Variants in HIPK2 observed in about 807,000 individuals in gnomAD.
HIPK2 encodes the protein homeodomain interacting protein kinase 2.
In HIPK2, 27 loss-of-function variants were observed where a neutral mutation model predicts 113.7. The ratio of observed to expected loss-of-function variants is 0.24; its 90% CI spans 0.17 to 0.33. The LOEUF is 0.33. HIPK2 is among the 10% of genes least tolerant of loss of function. The probability of loss-of-function intolerance (pLI) is 1.00; values close to 1 mark genes in which losing one functional copy is unlikely to be tolerated. For missense variants in HIPK2, 1,257 were observed against 1,588.0 expected, an observed-to-expected ratio of 0.79 and a Z score of 3.54; for synonymous variants, 631 against 642.2, an observed-to-expected ratio of 0.98 and a Z score of 0.26.
intron 2 of HIPK2, among the ~76,000 whole-genome samples, chr7:139,711,783 T>G (rs980727964): frequency 1.3e-5 from 2 of 151,894 alleles, no homozygotes; most frequent in African/African-American, 2.4e-5. Flanking sequence ...CAAAATGAAC[T>G]GGCATCAATG....
chr7:139,769,895 CTTT>C (rs1796617839), intron 1 of HIPK2, among the ~76,000 whole-genome samples: 1 of 152,194 alleles, frequency 6.6e-6, no homozygotes, highest in Admixed American at 6.5e-5. Flanking sequence ...ACTGATGAAT[CTTT>C]TCCTGATGGT....
chr7:139,645,289 A>G (rs369645135), intron 2 of HIPK2, among the ~76,000 whole-genome samples: 43 of 152,330 alleles, frequency 2.8e-4, no homozygotes, highest in Middle Eastern at 3.4e-3. Context: ...GGGATAAAAG[A>G]CAGAAACTTG....
Position 139,631,303 on chromosome 7 carries a change from A to C in HIPK2, c.1228-19T>G. ...ACCGAATCTGCAAGAAAAGATAAGA[A>C]TGAGGTCAGGGCTTTTCCTGTCACT... On this transcript the variant is annotated intron_variant, in intron 3 of 14. Transcript: ENST00000406875. The surrounding 1 kb of genome is among the most constrained non-coding windows in gnomAD (Gnocchi z 4.9). 1 of 1,600,632 alleles carries C rather than the reference A, an allele frequency of 6.2e-7. No homozygotes were observed. The highest frequency in any genetic ancestry group is 8.5e-7 in the Non-Finnish European group (1 of 1,172,858).
intron 13 of HIPK2, among the ~76,000 whole-genome samples, chr7:139,582,957 C>T (rs531095669): frequency 3.0e-4 from 45 of 152,378 alleles, no homozygotes; most frequent in African/African-American, 1.1e-3. Flanking sequence ...TTTCCTGTAG[C>T]GACCTCAGGT....
chr7:139,746,458 TAA>T (rs1011994101), intron 1 of HIPK2, among the ~76,000 whole-genome samples: 1 of 152,220 alleles, frequency 6.6e-6, no homozygotes, highest in Admixed American at 6.5e-5. Flanking sequence ...GCAATGAGTT[TAA>T]GAGTGCTTGG....
intron 2 of HIPK2, among the ~76,000 whole-genome samples, chr7:139,654,262 A>C (rs771185676): frequency 4.6e-5 from 7 of 152,192 alleles, no homozygotes; most frequent in Non-Finnish European, 1.0e-4. Flanking sequence ...CTGTAATCCC[A>C]GCATTTTGGG....
In HIPK2 at chr7:139,706,565, C is replaced by T. The variant is rs190071493; in HGVS notation, c.1103+9367G>A. 5.1e-4 allele frequency among the ~76,000 whole-genome samples: 78 copies of T among 152,232 alleles called. 1 individual carries two copies. The highest frequency in any genetic ancestry group is 3.9e-3 in the Admixed American group (59 of 15,296). The stretch of plus-strand genomic sequence containing the variant: ...ATTTAATAAGCATTAAGGGAGAAAA[C>T]ATGGGACAGAGTAACTGAGCTCAAC... On this transcript the variant is annotated intron_variant, in intron 2 of 14. Transcript: ENST00000406875.
chr7:139,635,995 T>C (rs1400410139), intron 2 of HIPK2, among the ~76,000 whole-genome samples: 1 of 152,222 alleles, frequency 6.6e-6, no homozygotes, highest in Non-Finnish European at 1.5e-5. Context: ...TCTCCCCCTG[T>C]GGTTCCCACC....
intron 13 of HIPK2, among the ~76,000 whole-genome samples, chr7:139,582,936 A>G (rs765936358): frequency 4.6e-5 from 7 of 152,262 alleles, no homozygotes; most frequent in Non-Finnish European, 1.0e-4. Flanking sequence ...CCACCCAGGA[A>G]GAGTCCCCAG....
intron 2 of HIPK2, among the ~76,000 whole-genome samples, chr7:139,651,811 T>C (rs1021582391): frequency 2.6e-5 from 4 of 152,224 alleles, no homozygotes; most frequent in Non-Finnish European, 5.9e-5. Flanking sequence ...CACTTTACAT[T>C]ACACAGTGTG....
At chr7:139,623,596 G>C (rs560640085) in intron 6 of HIPK2, among the ~76,000 whole-genome samples, 3 of 150,496 alleles carry the variant, frequency 2.0e-5, no homozygotes, top group Non-Finnish European at 4.4e-5. Context: ...AGATTCCTTT[G>C]TACCGGAGTT....
rs776337956 is a variant in HIPK2, at chr7:139,613,286, C to G, written c.2028G>C (p.Ser676=). 1.2e-6 allele frequency: 2 copies of G among 1,613,338 alleles called. No individual in the cohort carries two copies. Among genetic ancestry groups the G allele is most frequent in the Middle Eastern group, 1.6e-4 (1 of 6,084 alleles). Residue 676 remains serine, a synonymous_variant, in exon 9 of 15, where the codon TCG becomes TCC. Transcript: ENST00000406875. This position sits in a 1 kb window ranked among gnomAD's most constrained non-coding sequence, Gnocchi z 4.2. Reference sequence around the variant, plus strand: ...TGGGAACTGCATTTTCCATTCGCACCGAGTAGCCAGCGTGCTTAGAGGGAG... The same window carrying G: ...TGGGAACTGCATTTTCCATTCGCACGGAGTAGCCAGCGTGCTTAGAGGGAG... ...QASPSKHAGY[S]VRMENAVPIV... is the part of the protein sequence containing the mutation.
chr7:139,747,671 A>G (rs559612711), intron 1 of HIPK2, among the ~76,000 whole-genome samples: 2 of 152,300 alleles, frequency 1.3e-5, no homozygotes, highest in East Asian at 3.9e-4. Context: ...AAGACCACAC[A>G]CAAGGGCACT....
intron 12 of HIPK2, 88 bp downstream of exon 12, chr7:139,596,629 T>A (rs966084709): frequency 6.6e-7 from 1 of 1,519,412 alleles, no homozygotes; most frequent in African/African-American, 1.4e-5. Context: ...GAGGGATCCT[T>A]ATGTTTGATG....
intron 7 of HIPK2, among the ~76,000 whole-genome samples, chr7:139,618,785 T>C (rs1443759214): frequency 6.6e-6 from 1 of 152,216 alleles, no homozygotes; most frequent in African/African-American, 2.4e-5. Flanking sequence ...TGCTCCTTCC[T>C]CCTGTTTCAC....
chr7:139,736,363 TAGAC>T lies in HIPK2; in HGVS notation c.20-19352_20-19349del, dbSNP rs1057237248. ...AGTGGCAGAGGAAGGCATGACCTGG[TAGAC>T]AGAGGGGCCAATGCCCTGAAGAAGC... On this transcript the variant is annotated intron_variant, in intron 1 of 14. Transcript: ENST00000406875. Among the ~76,000 whole-genome samples the T allele has an allele frequency of 7.2e-5, 11 of 152,300 alleles. 1 individual carries two copies. The highest frequency in any genetic ancestry group is 2.6e-4 in the African/African-American group (11 of 41,564).
At chr7:139,634,614 C>G (rs928539817) in intron 2 of HIPK2, among the ~76,000 whole-genome samples, 1 of 148,586 alleles carries the variant, frequency 6.7e-6, no homozygotes, top group Admixed American at 6.7e-5. Context: ...CTTTAGAGAT[C>G]GTTTCAGTTT....
At chr7:139,696,115 T>C (rs1246752553) in intron 2 of HIPK2, among the ~76,000 whole-genome samples, 1 of 152,166 alleles carries the variant, frequency 6.6e-6, no homozygotes, top group Non-Finnish European at 1.5e-5. Context: ...AGAAAGCCAT[T>C]GATAACGTGA....
At chr7:139,720,537 T>C (rs1795376389) in intron 1 of HIPK2, among the ~76,000 whole-genome samples, 1 of 152,234 alleles carries the variant, frequency 6.6e-6, no homozygotes, top group Non-Finnish European at 1.5e-5. Flanking sequence ...TTCTTTTTGT[T>C]CAAGTCAACA....
Sources: allele counts gnomAD v4.1 joint callset (sites outside exome capture counted in the v4.1 genomes callset), GRCh38; gene constraint gnomAD v4.1.1; non-coding constraint Gnocchi (gnomAD v3.1); transcripts MANE v1.5; gene names NCBI Gene and HGNC (gene_info 2026-07-23, HGNC 2026-07-21).